Variants in CSMD1 observed in about 807,000 individuals in gnomAD.
The protein encoded by CSMD1 is CUB and sushi domain-containing protein 1.
Under a neutral mutation model 417.5 loss-of-function variants are expected in CSMD1, and 213 were observed. The ratio of observed to expected loss-of-function variants is 0.51; its 90% CI spans 0.46 to 0.57. The LOEUF (loss-of-function observed/expected upper bound fraction) is 0.57, where lower values mean the gene tolerates loss of function less well. Ranked by LOEUF, CSMD1 falls within the 20% of genes least tolerant of loss-of-function variation. The pLI is 0.00. For synonymous variants in CSMD1, 2,862 were observed against 1,736.8 expected (o/e 1.65, Z -16.11); for missense variants, 6,923 against 4,529.7 (o/e 1.53, Z -15.17).
chr8:3,342,699 T>C (rs528095088), intron 23 of CSMD1, among the ~76,000 whole-genome samples: 52 of 152,260 alleles, frequency 3.4e-4, no homozygotes, highest in Non-Finnish European at 6.2e-4. Context: ...GAAGCACCGA[T>C]AACTGGGAGC....
intron 5 of CSMD1, among the ~76,000 whole-genome samples, chr8:3,815,634 T>TC (rs1801328742): frequency 6.6e-6 from 1 of 151,718 alleles, no homozygotes; most frequent in African/African-American, 2.4e-5. Flanking sequence ...TTCTTTTTTT[T>TC]TTTTTTTAAC....
intron 3 of CSMD1, among the ~76,000 whole-genome samples, chr8:4,138,584 C>A (rs1030866112): frequency 2.6e-5 from 4 of 151,756 alleles, no homozygotes; most frequent in Admixed American, 6.6e-5. Flanking sequence ...ATCCTAGATT[C>A]TTAGAAATTC....
chr8:4,572,427 G>A (rs187144038), intron 2 of CSMD1, among the ~76,000 whole-genome samples: 1 of 152,172 alleles, frequency 6.6e-6, no homozygotes, highest in Admixed American at 6.6e-5. Flanking sequence ...TTTTCTTCAA[G>A]AATGTTGAAT....
chr8:3,887,859 C>G (rs1461764686), intron 5 of CSMD1, among the ~76,000 whole-genome samples: 3 of 152,178 alleles, frequency 2.0e-5, no homozygotes, highest in Admixed American at 1.3e-4. Flanking sequence ...TATTCGAAGT[C>G]TTATTCATGC....
At chr8:4,635,478 T>C (rs1585368182) in intron 2 of CSMD1, among the ~76,000 whole-genome samples, 1 of 152,132 alleles carries the variant, frequency 6.6e-6, no homozygotes. Context: ...ACAGGTTTTC[T>C]ATATATGAAA....
intron 6 of CSMD1, among the ~76,000 whole-genome samples, chr8:3,712,065 T>A (rs73185365): frequency 6.6e-6 from 1 of 151,990 alleles, no homozygotes; most frequent in Non-Finnish European, 1.5e-5. Flanking sequence ...ACGTCTCCAC[T>A]AGGGAATATA....
chr8:4,570,901 T>C (rs754876460), intron 2 of CSMD1, among the ~76,000 whole-genome samples: 1 of 152,218 alleles, frequency 6.6e-6, no homozygotes, highest in Non-Finnish European at 1.5e-5. Flanking sequence ...ATTTGTCCAT[T>C]TCTTCTAGAT....
At chr8:3,302,012 A>G (rs569326805) in intron 25 of CSMD1, among the ~76,000 whole-genome samples, 2 of 152,182 alleles carry the variant, frequency 1.3e-5, no homozygotes, top group South Asian at 2.1e-4. Context: ...GTACAGTCCT[A>G]TTTTCATTGT....
At chr8:4,703,782 C>T (rs989247543) in intron 1 of CSMD1, among the ~76,000 whole-genome samples, 2 of 152,032 alleles carry the variant, frequency 1.3e-5, no homozygotes, top group Non-Finnish European at 2.9e-5. Context: ...CATTGGGATA[C>T]GAAGAGACCC....
At chr8:4,192,308 T>C (rs1011761347) in intron 3 of CSMD1, among the ~76,000 whole-genome samples, 1 of 152,220 alleles carries the variant, frequency 6.6e-6, no homozygotes, top group African/African-American at 2.4e-5. Context: ...AGTATGCAAT[T>C]ACATTGTCCC....
In CSMD1 at chr8:3,961,549, G is replaced by A. The variant is rs376456939; in HGVS notation, c.818+36354C>T. 9.9e-5 allele frequency among the ~76,000 whole-genome samples: 15 copies of A among 152,242 alleles called. No individual in the cohort carries two copies. In the East Asian group the frequency reaches 1.5e-3, roughly 16 times the overall value. Reference sequence around the variant, plus strand: ...TGAAGACAATAGGAAATCTATCCTAGGCAGAAATTTCCACTAAAGGTATCT... The same window carrying A: ...TGAAGACAATAGGAAATCTATCCTAAGCAGAAATTTCCACTAAAGGTATCT... On this transcript the variant is annotated intron_variant, in intron 5 of 69. Transcript: ENST00000635120.
chr8:4,110,411 G>C (rs1487846990), intron 3 of CSMD1, among the ~76,000 whole-genome samples: 1 of 152,080 alleles, frequency 6.6e-6, no homozygotes, highest in Non-Finnish European at 1.5e-5. Context: ...CAAAAATATA[G>C]TACTCTGGAA....
At chr8:3,565,151 A>AAAAAAAAAAAAAAAAAAAAAAAAAAAC (rs1799645067) in intron 10 of CSMD1, among the ~76,000 whole-genome samples, 1 of 141,212 alleles carries the variant, frequency 7.1e-6, no homozygotes, top group Non-Finnish European at 1.5e-5. Context: ...AAAAAAAAAA[A>AAAAAAAAAAAAAAAAAAAAAAAAAAAC]AAAAAAAAAG....
chr8:3,329,875 A>C (rs1806781842), intron 23 of CSMD1, among the ~76,000 whole-genome samples: 1 of 152,232 alleles, frequency 6.6e-6, no homozygotes, highest in South Asian at 2.1e-4. Flanking sequence ...CAGTCTCTTT[A>C]GAGGCTCATG....
chr8:3,681,977 T>A (rs939055756), intron 7 of CSMD1, among the ~76,000 whole-genome samples: 3 of 152,294 alleles, frequency 2.0e-5, no homozygotes, highest in African/African-American at 2.4e-5. Flanking sequence ...CTGGGAAAAC[T>A]GGCTAGCCAT....
intron 11 of CSMD1, among the ~76,000 whole-genome samples, chr8:3,483,373 C>T (rs1371034950): frequency 6.6e-6 from 1 of 151,844 alleles, no homozygotes; most frequent in Non-Finnish European, 1.5e-5. Context: ...TTCATAAATT[C>T]AACATATTAT....
chr8:3,800,627 G>C (rs775366032), intron 5 of CSMD1, among the ~76,000 whole-genome samples: 4 of 152,144 alleles, frequency 2.6e-5, no homozygotes, highest in Non-Finnish European at 2.9e-5. Context: ...GCCTAGAAGA[G>C]GTATTTGGGT....
At chr8:4,072,520 TA>T (rs1192459019) in intron 3 of CSMD1, among the ~76,000 whole-genome samples, 2 of 152,202 alleles carry the variant, frequency 1.3e-5, no homozygotes, top group African/African-American at 4.8e-5. Flanking sequence ...CTGAAAGCTC[TA>T]AACAGGAATC....
chr8:4,397,735 A>C (rs564205484), intron 3 of CSMD1, among the ~76,000 whole-genome samples: 23 of 152,112 alleles, frequency 1.5e-4, no homozygotes, highest in Admixed American at 1.4e-3. Context: ...TCAAAATACA[A>C]ATATGTTTGA....
Sources: allele counts gnomAD v4.1 joint callset (sites outside exome capture counted in the v4.1 genomes callset), GRCh38; gene constraint gnomAD v4.1.1; transcripts MANE v1.5; gene names NCBI Gene and HGNC (gene_info 2026-07-23, HGNC 2026-07-21).